Variants in ANKRD33B observed in about 807,000 individuals in gnomAD.
ANKRD33B encodes the protein ankyrin repeat domain 33B.
Under a neutral mutation model 21.5 loss-of-function variants are expected in ANKRD33B, and 6 were observed. That is an observed-to-expected ratio of 0.28 (90% confidence interval 0.15 to 0.55). The LOEUF (loss-of-function observed/expected upper bound fraction) is 0.55. Among genes scored for constraint, ANKRD33B ranks in the 20% least tolerant of loss-of-function variants. The pLI is 0.94. For synonymous variants in ANKRD33B, 347 were observed against 342.4 expected (o/e 1.01, Z -0.15); for missense variants, 698 against 747.2 (o/e 0.93, Z 0.77).
intron 1 of ANKRD33B, among the ~76,000 whole-genome samples, chr5:10,591,420 GC>G (rs1306543576): frequency 6.6e-6 from 1 of 151,914 alleles, no homozygotes. Flanking sequence ...AGTCTCGAAC[GC>G]CTGACCTCTT....
chr5:10,569,911 C>T (rs1293415519), intron 1 of ANKRD33B, among the ~76,000 whole-genome samples: 4 of 152,170 alleles, frequency 2.6e-5, no homozygotes, highest in Admixed American at 1.3e-4. Context: ...GAGTCTCGCT[C>T]TGTCACCCAG....
chr5:10,610,358 C>A (rs1488659751), intron 1 of ANKRD33B, among the ~76,000 whole-genome samples: 2 of 151,730 alleles, frequency 1.3e-5, no homozygotes, highest in African/African-American at 4.9e-5. Flanking sequence ...ATGCTCCTGA[C>A]GTCTAATGGG....
At chr5:10,572,376 A>G (rs1735217083) in intron 1 of ANKRD33B, among the ~76,000 whole-genome samples, 1 of 152,088 alleles carries the variant, frequency 6.6e-6, no homozygotes, top group Non-Finnish European at 1.5e-5. Context: ...GTCAGGGCCT[A>G]CTTTTCAACA....
At chr5:10,610,367 G>T (rs1736142405) in intron 1 of ANKRD33B, among the ~76,000 whole-genome samples, 1 of 152,034 alleles carries the variant, frequency 6.6e-6, no homozygotes, top group Admixed American at 6.5e-5. Context: ...ACGTCTAATG[G>T]GTAGAGACCA....
At position 10,653,648 on chromosome 5, in the gene ANKRD33B, A is replaced by G. The variant is rs562255805; in HGVS notation, c.*3535A>G. ...GAGCCATTTGGAAGCCCTTTCCTCTAGCCCTAGGTACTGGTGACACAGGCC... is the reference window on the plus strand; with the variant it reads ...GAGCCATTTGGAAGCCCTTTCCTCTGGCCCTAGGTACTGGTGACACAGGCC... On this transcript the variant is annotated 3_prime_UTR_variant, in exon 4 of 4. Transcript: ENST00000296657. The G allele has an allele frequency of 6.6e-6, 1 of 152,378 alleles. No homozygotes were observed. Among genetic ancestry groups the G allele is most frequent in the Non-Finnish European group, 1.5e-5 (1 of 68,110 alleles). The allele number at this position is 152,378 out of a possible 1,614,324, so 9.4% of individuals were successfully genotyped here.
intron 1 of ANKRD33B, among the ~76,000 whole-genome samples, chr5:10,593,178 CTTATA>C (rs56407237): frequency 0.36 from 55,225 of 151,746 alleles, 11,229 homozygotes; most frequent in East Asian, 0.59. Context: ...ACAACTAACC[CTTATA>C]TTATAACACT....
intron 2 of ANKRD33B, among the ~76,000 whole-genome samples, chr5:10,632,124 G>C (rs1053502027): frequency 6.6e-6 from 1 of 151,904 alleles, no homozygotes; most frequent in Non-Finnish European, 1.5e-5. Context: ...GGAGGGGGTC[G>C]GTTCAGTCCG....
chr5:10,614,554 A>G (rs1359458162), intron 1 of ANKRD33B, among the ~76,000 whole-genome samples: 1 of 152,162 alleles, frequency 6.6e-6, no homozygotes, highest in Non-Finnish European at 1.5e-5. Flanking sequence ...TATAGACATG[A>G]GCCACTGCAC....
chr5:10,638,734 G>A (rs1261025710), intron 3 of ANKRD33B, among the ~76,000 whole-genome samples: 1 of 152,170 alleles, frequency 6.6e-6, no homozygotes, highest in African/African-American at 2.4e-5. Context: ...AACGTTAGAA[G>A]GCGATGTGGA....
chr5:10,570,976 T>G (rs1028642008), intron 1 of ANKRD33B, among the ~76,000 whole-genome samples: 3 of 151,672 alleles, frequency 2.0e-5, no homozygotes, highest in African/African-American at 7.3e-5. Flanking sequence ...TTAAAAAAAT[T>G]CCTTGGTATA....
intron 1 of ANKRD33B, among the ~76,000 whole-genome samples, chr5:10,575,986 C>A (rs990693781): frequency 6.6e-6 from 1 of 152,024 alleles, no homozygotes; most frequent in Admixed American, 6.5e-5. Flanking sequence ...TATACACACA[C>A]ACACACACAC....
rs1737354132 is a variant in ANKRD33B, at chr5:10,651,430, T to C, written c.*1317T>C. On this transcript the variant is annotated 3_prime_UTR_variant, in exon 4 of 4. Transcript: ENST00000296657. ...ACATGGAGATCACTTTTCTCAGTGA[T>C]CAAATTTGAATTTATCAAAGGGGGT... 1 of 152,230 alleles carries C rather than the reference T, an allele frequency of 6.6e-6. No individual in the cohort carries two copies. The highest frequency in any genetic ancestry group is 2.4e-5 in the African/African-American group (1 of 41,424). The allele number at this position is 152,230 out of a possible 1,614,324, so 9.4% of individuals were successfully genotyped here.
At position 10,602,754 on chromosome 5, in the gene ANKRD33B, T is replaced by C. The variant is rs118029134; in HGVS notation, c.367-15579T>C. ...TATGCAGCATTTTGCAAGGAACTTA[T>C]AAAGCTGATCATAGTCTATAGATCC... On this transcript the variant is annotated intron_variant, in intron 1 of 3. Coordinates refer to ENST00000296657, the MANE Select transcript of ANKRD33B (RefSeq NM_001164440.2). Among the ~76,000 whole-genome samples the C allele has an allele frequency of 2.5e-3, 375 of 152,250 alleles. 2 individuals are homozygous for C. Among genetic ancestry groups the C allele is most frequent in the African/African-American group, 7.3e-3 (304 of 41,554 alleles).
chr5:10,640,850 C>T (rs544028988), intron 3 of ANKRD33B, among the ~76,000 whole-genome samples: 28 of 152,308 alleles, frequency 1.8e-4, no homozygotes, highest in African/African-American at 6.7e-4. Context: ...CCGGCAGGTT[C>T]GATGTCTGCT....
chr5:10,607,650 C>T (rs17761026), intron 1 of ANKRD33B, among the ~76,000 whole-genome samples: 11,692 of 152,192 alleles, frequency 0.077, 543 homozygotes, highest in Non-Finnish European at 0.11. Context: ...CTTCACAGAC[C>T]GTCGCCCATA....
intron 1 of ANKRD33B, among the ~76,000 whole-genome samples, chr5:10,601,824 C>T (rs1039669219): frequency 5.9e-5 from 9 of 152,242 alleles, no homozygotes; most frequent in African/African-American, 2.2e-4. Context: ...CACAATATCT[C>T]GAGATCTGCC....
At chr5:10,593,342 A>C (rs1287845182) in intron 1 of ANKRD33B, among the ~76,000 whole-genome samples, 1 of 152,202 alleles carries the variant, frequency 6.6e-6, no homozygotes, top group Non-Finnish European at 1.5e-5. Flanking sequence ...AAGAAAAAAC[A>C]AAATAAAGCA....
intron 3 of ANKRD33B, among the ~76,000 whole-genome samples, chr5:10,642,708 T>C (rs908293698): frequency 6.6e-6 from 1 of 152,220 alleles, no homozygotes; most frequent in African/African-American, 2.4e-5. Flanking sequence ...TTGTGATTAT[T>C]GTTATTATTA....
chr5:10,614,467 C>T (rs553506500), intron 1 of ANKRD33B, among the ~76,000 whole-genome samples: 2 of 152,352 alleles, frequency 1.3e-5, no homozygotes, highest in Admixed American at 6.5e-5. Context: ...GATGCCATCT[C>T]ACTGTCTTGC....
Sources: allele counts gnomAD v4.1 joint callset (sites outside exome capture counted in the v4.1 genomes callset), GRCh38; gene constraint gnomAD v4.1.1; transcripts MANE v1.5; gene names NCBI Gene and HGNC (gene_info 2026-07-23, HGNC 2026-07-21).